Variants in CERT1 observed in about 807,000 individuals in gnomAD.
CERT1 encodes the protein ceramide transfer protein.
Under a neutral mutation model 87.9 loss-of-function variants are expected in CERT1, and 31 were observed. The ratio of observed to expected loss-of-function variants is 0.35; its 90% CI spans 0.27 to 0.48. CERT1 has a LOEUF of 0.48. Ranked by LOEUF, CERT1 falls within the 20% of genes least tolerant of loss-of-function variation. The probability of loss-of-function intolerance (pLI) is 0.99; values close to 1 mark genes in which losing one functional copy is unlikely to be tolerated. For synonymous variants in CERT1, 289 were observed against 250.9 expected (o/e 1.15, Z -1.44); for missense variants, 487 against 758.0 (o/e 0.64, Z 4.20).
chr5:75,397,086 G>A (rs1213901273), intron 11 of CERT1, among the ~76,000 whole-genome samples: 1 of 152,174 alleles, frequency 6.6e-6, no homozygotes, highest in Admixed American at 6.5e-5. Flanking sequence ...TATCAATTGG[G>A]AATTAGTCAT....
intron 7 of CERT1, 131 bp downstream of exon 7, chr5:75,416,745 G>T (rs1365793068): frequency 7.3e-6 from 5 of 686,716 alleles, no homozygotes; most frequent in Admixed American, 3.2e-5. Context: ...TAAAGCTTCA[G>T]AGTAGTAGTA....
chr5:75,502,851 T>A lies in CERT1; in HGVS notation c.231+3131A>T, dbSNP rs531883686. 2.0e-5 allele frequency among the ~76,000 whole-genome samples: 3 copies of A among 152,246 alleles called. No homozygotes were observed. In the South Asian group the frequency reaches 6.2e-4, roughly 32 times the overall value. ...AATTACAACTAACATATTCAGAATA[T>A]CTACTATGCGGCAAATTTTGTAGCA... On this transcript the variant is annotated intron_variant, in intron 2 of 16. Transcript: ENST00000643780.
intron 2 of CERT1, among the ~76,000 whole-genome samples, chr5:75,478,034 C>CTAATCTTA (rs1561291224): frequency 1.5e-4 from 23 of 152,164 alleles, no homozygotes; most frequent in African/African-American, 5.5e-4. Context: ...AGGAAGAGGC[C>CTAATCTTA]GGGCACAGTG....
At chr5:75,430,275 A>C (rs1763812503) in intron 3 of CERT1, among the ~76,000 whole-genome samples, 1 of 152,196 alleles carries the variant, frequency 6.6e-6, no homozygotes, top group Non-Finnish European at 1.5e-5. Context: ...TCAACTCTTA[A>C]TTGGCTAACA....
At chr5:75,416,470 T>C (rs1763139319) in intron 7 of CERT1, among the ~76,000 whole-genome samples, 1 of 152,120 alleles carries the variant, frequency 6.6e-6, no homozygotes, top group Non-Finnish European at 1.5e-5. Context: ...TCACTGACCA[T>C]GGAAAAAATA....
chr5:75,477,123 T>C (rs1029024068), intron 2 of CERT1, among the ~76,000 whole-genome samples: 2 of 152,210 alleles, frequency 1.3e-5, no homozygotes, highest in African/African-American at 4.8e-5. Context: ...AGAGACTAGA[T>C]GGAAACTTTG....
At chr5:75,480,883 C>A (rs1330671835) in intron 2 of CERT1, among the ~76,000 whole-genome samples, 1 of 152,192 alleles carries the variant, frequency 6.6e-6, no homozygotes, top group East Asian at 1.9e-4. Flanking sequence ...ACTGTTAACT[C>A]TGGTCCCAGC....
At chr5:75,400,157 G>A in intron 10 of CERT1, 48 bp downstream of exon 10, 1 of 1,296,612 alleles carries the variant, frequency 7.7e-7, no homozygotes, top group Non-Finnish European at 1.1e-6. Context: ...CACCAACAAT[G>A]AAGAACAATA....
Position 75,427,484 on chromosome 5 carries a change from G to A in CERT1, c.349-1006C>T, listed in dbSNP as rs539942505. Among the ~76,000 whole-genome samples the A allele has an allele frequency of 7.0e-4, 106 of 152,052 alleles. 1 individual carries two copies. Among genetic ancestry groups the A allele is most frequent in the African/African-American group, 2.5e-3 (102 of 41,478 alleles). On this transcript the variant is annotated intron_variant, in intron 3 of 16. Transcript: ENST00000643780. ...CATGGTGGCGGGCACCTGTAATCCC[G>A]GCTACTCAGAAGGCTGAGGCAGGAG...
intron 2 of CERT1, among the ~76,000 whole-genome samples, chr5:75,466,038 A>T (rs1042350452): frequency 6.6e-6 from 1 of 152,122 alleles, no homozygotes; most frequent in African/African-American, 2.4e-5. Context: ...TCAAAAGCAA[A>T]AAGGATTTTG....
intron 9 of CERT1, chr5:75,402,453 T>C (rs948533210): frequency 7.9e-5 from 12 of 152,244 alleles, no homozygotes; most frequent in African/African-American, 2.9e-4. Flanking sequence ...CAATTATTGG[T>C]TTTCTTTCTA....
downstream of CERT1, chr5:75,374,015 G>A (rs748881613): frequency 6.5e-5 from 26 of 398,380 alleles, no homozygotes; most frequent in Non-Finnish European, 9.3e-5. Context: ...TCTAGCAAGA[G>A]ATAGCTAGTG....
chr5:75,399,422 C>A (rs777804050), intron 10 of CERT1, 35 bp from the exon 11 acceptor site: 1 of 1,507,708 alleles, frequency 6.6e-7, no homozygotes, highest in South Asian at 1.1e-5. Flanking sequence ...ACCAAGTAAT[C>A]AGAACAAAGG....
intron 8 of CERT1, among the ~76,000 whole-genome samples, chr5:75,408,648 G>C (rs1388599889): frequency 6.6e-6 from 1 of 152,100 alleles, no homozygotes; most frequent in East Asian, 1.9e-4. Context: ...AGGGAGGGGT[G>C]AGAGTTAAAA....
In CERT1 at chr5:75,426,142, GTTT is replaced by G. The variant is rs978450277; in HGVS notation, c.456+226_456+228del. ...ATTCTTCAGATTTTCCTTTGAACCA[GTTT>G]TTTTATATTTTACCTCATTAATGAA... On this transcript the variant is annotated intron_variant, in intron 4 of 16. Transcript: ENST00000643780. Among the ~76,000 whole-genome samples, 3 of 152,184 alleles carry G rather than the reference GTTT, an allele frequency of 2.0e-5. No individual in the cohort carries two copies. The South Asian group carries it at 6.2e-4, about 32-fold the overall frequency.
intron 3 of CERT1, among the ~76,000 whole-genome samples, chr5:75,454,152 A>T (rs962861175): frequency 2.0e-5 from 3 of 152,148 alleles, no homozygotes; most frequent in African/African-American, 4.8e-5. Flanking sequence ...TTTATCATGG[A>T]TAGGTTATTT....
At chr5:75,457,894 A>C (rs1765056885) in intron 3 of CERT1, among the ~76,000 whole-genome samples, 1 of 146,428 alleles carries the variant, frequency 6.8e-6, no homozygotes, top group Non-Finnish European at 1.5e-5. Flanking sequence ...TCTTGGGTGT[A>C]TGGGTATAGG....
At chr5:75,499,738 A>G (rs936509986) in intron 2 of CERT1, among the ~76,000 whole-genome samples, 1 of 152,166 alleles carries the variant, frequency 6.6e-6, no homozygotes, top group Non-Finnish European at 1.5e-5. Flanking sequence ...TCATGTTCCT[A>G]CAACCCCTAC....
intron 2 of CERT1, among the ~76,000 whole-genome samples, chr5:75,460,944 CA>C (rs1309073274): frequency 6.6e-6 from 1 of 151,968 alleles, no homozygotes; most frequent in Non-Finnish European, 1.5e-5. Context: ...TAGAAAGAAG[CA>C]AAAGGGAAAA....
Sources: allele counts gnomAD v4.1 joint callset (sites outside exome capture counted in the v4.1 genomes callset), GRCh38; gene constraint gnomAD v4.1.1; transcripts MANE v1.5; gene names NCBI Gene and HGNC (gene_info 2026-07-23, HGNC 2026-07-21).